The following TCTN3 variants were observed in gnomAD, a reference collection of about 807,000 sequenced individuals.
TCTN3 encodes tectonic family member 3.
TCTN3 carries 57 observed loss-of-function variants against 71.3 expected under a neutral mutation model. The observed-to-expected ratio is 0.80, with a 90% CI of 0.65 to 1.00. The LOEUF (loss-of-function observed/expected upper bound fraction) is 1.00, where lower values mean the gene tolerates loss of function less well. Among genes scored for constraint, TCTN3 ranks in the 50% least tolerant of loss-of-function variants. TCTN3 has a pLI of 0.00. For synonymous variants in TCTN3, 258 were observed against 267.8 expected (o/e 0.96, Z 0.36); for missense variants, 696 against 719.9 (o/e 0.97, Z 0.38).
intron 13 of TCTN3, among the ~76,000 whole-genome samples, chr10:95,680,132 G>A (rs191120616): frequency 3.0e-4 from 45 of 152,336 alleles, no homozygotes; most frequent in African/African-American, 1.1e-3. Flanking sequence ...ATATAACTGT[G>A]TGGCTGACAG....
At chr10:95,680,679 A>T in intron 12 of TCTN3, 70 bp from the exon 13 acceptor site, 1 of 1,549,422 alleles carries the variant, frequency 6.5e-7, no homozygotes, top group Non-Finnish European at 8.7e-7. Context: ...CCAAGTACTA[A>T]GCCATTGTTT....
At chr10:95,679,328 T>G (rs2097940467) in intron 13 of TCTN3, among the ~76,000 whole-genome samples, 1 of 152,222 alleles carries the variant, frequency 6.6e-6, no homozygotes, top group Non-Finnish European at 1.5e-5. Context: ...TTGAATGTTC[T>G]CATTAATACA....
intron 13 of TCTN3, among the ~76,000 whole-genome samples, chr10:95,677,489 T>TGTTTG (rs1203803656): frequency 4.6e-5 from 6 of 130,946 alleles, no homozygotes; most frequent in East Asian, 3.6e-4. Context: ...TTTTGTTTTT[T>TGTTTG]TTTTTTTTTT....
Position 95,686,514 on chromosome 10 carries a change from G to A in TCTN3, c.869C>T (p.Thr290Ile). 1.2e-6 allele frequency: 2 copies of A among 1,614,118 alleles called. No homozygotes were observed. The highest frequency in any genetic ancestry group is 1.7e-6 in the Non-Finnish European group (2 of 1,179,992). ...TCATACCTCCATATTCTGTGGATCA[G>A]TCATGCTTCTTGGAACCTAGGAGAA... Reference protein sequence around the residue: ...FTVLKVPRSMTDPQNMEFQVP... With the variant: ...FTVLKVPRSMIDPQNMEFQVP... The change falls in exon 7 of 14, where the codon ACT (threonine) becomes ATT (isoleucine). Residue 290 changes from threonine to isoleucine, a missense_variant. By Grantham distance (89) the Thr-to-Ile change is moderately conservative (BLOSUM62 -1). Transcript: ENST00000371217.
rs377215687 is a variant in TCTN3 at position 95,668,887 on chromosome 10, T to C, written c.1591-4587A>G. On this transcript the variant is annotated intron_variant, in intron 13 of 13. Transcript: ENST00000371217. ...GAAAATGTGGAACTGATAGATAATA[T>C]GGCAAGTTCAACTATTTGAAAAACT... Among the ~76,000 whole-genome samples, 638 of 152,350 alleles carry C rather than the reference T, an allele frequency of 4.2e-3. 2 individuals are homozygous for C. Among genetic ancestry groups the C allele is most frequent in the Middle Eastern group, 0.02 (6 of 294 alleles).
intron 13 of TCTN3, among the ~76,000 whole-genome samples, chr10:95,665,466 A>G (rs1407278850): frequency 3.3e-5 from 5 of 152,120 alleles, no homozygotes; most frequent in African/African-American, 1.2e-4. Context: ...TTTTTAGTAG[A>G]GACGGGGTTT....
In TCTN3 at chr10:95,687,629, G is replaced by T. The variant is rs182344155; in HGVS notation, c.590C>A (p.Ser197Ter). Residue 197 changes from serine to a stop codon, truncating the protein, a stop_gained, in exon 4 of 14, where the codon TCA (serine) becomes TAA (stop). Coordinates refer to ENST00000371217, the MANE Select transcript of TCTN3 (RefSeq NM_015631.6). LOFTEE classifies it high-confidence loss of function. ...TGGTGGTGATTGAGTTTGGAATGTT[G>T]AAGTGAATGATTCGCCTCCAAACTC... ...AAEFGGESFT[S>*]TFQTQSPPSF... 1 of 1,614,194 alleles carries T rather than the reference G, an allele frequency of 6.2e-7. No individual in the cohort carries two copies. Among genetic ancestry groups the T allele is most frequent in the African/African-American group, 1.3e-5 (1 of 75,050 alleles).
At chr10:95,685,511 T>C (rs899459513) in intron 8 of TCTN3, 45 bp downstream of exon 8, 3 of 1,470,066 alleles carry the variant, frequency 2.0e-6, no homozygotes, top group African/African-American at 2.8e-5. Flanking sequence ...TCTGGCAGTG[T>C]TGATTAACAC....
chr10:95,664,316 C>G lies in TCTN3; in HGVS notation c.1591-16G>C. 6.2e-7 allele frequency: 1 copy of G among 1,610,348 alleles called. No individual in the cohort carries two copies. Among genetic ancestry groups the G allele is most frequent in the East Asian group, 2.2e-5 (1 of 44,850 alleles). On this transcript the variant is annotated splice_polypyrimidine_tract_variant and intron_variant, in intron 13 of 13. Coordinates refer to ENST00000371217, the MANE Select transcript of TCTN3 (RefSeq NM_015631.6). ...GCTGAGAATCCTACGGGAAGAAAGT[C>G]AATGACAGGTCAGCGCTTGGTACCC...
At chr10:95,690,077 C>T (rs1248264854) in intron 3 of TCTN3, among the ~76,000 whole-genome samples, 1 of 152,172 alleles carries the variant, frequency 6.6e-6, no homozygotes, top group African/African-American at 2.4e-5. Context: ...GCCTCGAACT[C>T]CTGGGCTCAA....
Position 95,680,481 on chromosome 10 carries a change from C to T in TCTN3, c.1581G>A (p.Gln527=). 1 of 1,613,820 alleles carries T rather than the reference C, an allele frequency of 6.2e-7. No individual in the cohort carries two copies. The highest frequency in any genetic ancestry group is 8.5e-7 in the Non-Finnish European group (1 of 1,179,856). The change falls in exon 13 of 14, where the codon CAG becomes CAA. Residue 527 remains glutamine (Q), a synonymous_variant. Coordinates refer to ENST00000371217, the MANE Select transcript of TCTN3 (RefSeq NM_015631.6). ...VSGVRFLYQC[Q]SIQDSQQVTE... is the part of the protein sequence containing the mutation. ...ATGAGCCATGACTTACCTGTATAGA[C>T]TGGCACTGGTATAGGAATCGAACTC...
chr10:95,686,998 T>C (rs1163564768), intron 6 of TCTN3, 46 bp downstream of exon 6: 1 of 1,496,260 alleles, frequency 6.7e-7, no homozygotes, highest in Non-Finnish European at 9.3e-7. Flanking sequence ...GCATGTTCAC[T>C]TCAACTTCAT....
chr10:95,690,294 T>C (rs2097952355), intron 3 of TCTN3, among the ~76,000 whole-genome samples: 1 of 152,166 alleles, frequency 6.6e-6, no homozygotes, highest in Non-Finnish European at 1.5e-5. Context: ...TACCAATAGA[T>C]ACTAAGCACC....
intron 7 of TCTN3, 87 bp from the exon 8 acceptor site, chr10:95,685,723 T>C: frequency 9.2e-7 from 1 of 1,083,340 alleles, no homozygotes; most frequent in Non-Finnish European, 1.3e-6. Flanking sequence ...AAGATGAGTA[T>C]TTTTCCTTCC....
intron 13 of TCTN3, among the ~76,000 whole-genome samples, chr10:95,677,657 C>A (rs2097938861): frequency 6.6e-6 from 1 of 151,878 alleles, no homozygotes; most frequent in Admixed American, 6.6e-5. Flanking sequence ...TGCAACTGAC[C>A]ATCTAGCAGC....
intron 13 of TCTN3, among the ~76,000 whole-genome samples, chr10:95,669,834 C>T (rs533827174): frequency 3.9e-5 from 6 of 151,920 alleles, no homozygotes; most frequent in South Asian, 4.2e-4. Flanking sequence ...GAGGCCGAGG[C>T]GGGCGGATCA....
chr10:95,674,387 ATAAAGT>A (rs2097934652), intron 13 of TCTN3, among the ~76,000 whole-genome samples: 6 of 152,074 alleles, frequency 3.9e-5, no homozygotes, highest in Admixed American at 3.3e-4. Context: ...GCAGTAAATA[ATAAAGT>A]TAAAGAATAT....
At chr10:95,680,024 A>G (rs1318624265) in intron 13 of TCTN3, among the ~76,000 whole-genome samples, 1 of 152,208 alleles carries the variant, frequency 6.6e-6, no homozygotes, top group Non-Finnish European at 1.5e-5. Context: ...TACAGATTAA[A>G]AGTGTTCATT....
chr10:95,693,206 A>G (rs1241222477), intron 2 of TCTN3, 147 bp downstream of exon 2: 1 of 1,368,116 alleles, frequency 7.3e-7, no homozygotes, highest in Non-Finnish European at 9.8e-7. Context: ...GAGAATCAGA[A>G]AAGGCAATTC....
Sources: allele counts gnomAD v4.1 joint callset (sites outside exome capture counted in the v4.1 genomes callset), GRCh38; gene constraint gnomAD v4.1.1; transcripts MANE v1.5; gene names NCBI Gene and HGNC (gene_info 2026-07-23, HGNC 2026-07-21).